Variants in WWOX observed in about 807,000 individuals in gnomAD.
The protein encoded by WWOX is WW domain containing oxidoreductase, also known as WW domain-containing oxidoreductase.
A neutral mutation model predicts 46.2 loss-of-function variants in WWOX; 69 were observed. The observed-to-expected ratio is 1.49, with a 90% CI of 1.23 to 1.82. WWOX has a LOEUF of 1.82. WWOX is among the 40% of genes most tolerant of loss of function. The pLI, the probability that WWOX is intolerant of heterozygous loss-of-function variation, is 0.00. For missense variants in WWOX, 919 were observed against 542.6 expected (o/e 1.69, Z -6.89); for synonymous variants, 359 against 202.6 (o/e 1.77, Z -6.56).
At chr16:78,472,171 A>G (rs2084238449) in intron 8 of WWOX, among the ~76,000 whole-genome samples, 3 of 152,258 alleles carry the variant, frequency 2.0e-5, no homozygotes, top group African/African-American at 7.2e-5. Context: ...TGCATAATTC[A>G]AATTAAAACC....
At chr16:78,805,505 G>C (rs557671184) in intron 8 of WWOX, among the ~76,000 whole-genome samples, 1 of 151,760 alleles carries the variant, frequency 6.6e-6, no homozygotes, top group African/African-American at 2.4e-5. Flanking sequence ...GGATGGTCTC[G>C]ATTTCCTGAC....
At chr16:78,451,229 G>T (rs1266941309) in intron 8 of WWOX, among the ~76,000 whole-genome samples, 3 of 152,164 alleles carry the variant, frequency 2.0e-5, no homozygotes, top group African/African-American at 7.2e-5. Flanking sequence ...CCAGGGATGG[G>T]TCCTCATGTT....
intron 5 of WWOX, among the ~76,000 whole-genome samples, chr16:78,340,233 G>A (rs375694560): frequency 9.4e-6 from 1 of 106,694 alleles, no homozygotes; most frequent in Non-Finnish European, 2.2e-5. Context: ...GTCTTACTGT[G>A]TCACCTAGGC....
chr16:78,912,649 C>T (rs925897511), intron 8 of WWOX, among the ~76,000 whole-genome samples: 2 of 151,976 alleles, frequency 1.3e-5, no homozygotes, highest in African/African-American at 2.4e-5. Flanking sequence ...TTTAATGTCC[C>T]CTTTAATTCT....
intron 8 of WWOX, among the ~76,000 whole-genome samples, chr16:78,486,258 GT>G (rs1457375112): frequency 3.3e-5 from 5 of 152,144 alleles, no homozygotes. Flanking sequence ...AGAAAGAGAT[GT>G]GTAGTCCCAT....
intron 8 of WWOX, among the ~76,000 whole-genome samples, chr16:78,734,935 A>G (rs1291352521): frequency 7.7e-6 from 1 of 130,104 alleles, no homozygotes; most frequent in African/African-American, 3.0e-5. Context: ...ACGCAATCTC[A>G]GCTCACTACA....
intron 8 of WWOX, among the ~76,000 whole-genome samples, chr16:78,980,369 C>T (rs1171657884): frequency 3.3e-5 from 5 of 152,096 alleles, no homozygotes; most frequent in East Asian, 3.9e-4. Context: ...TAATTTTATT[C>T]CAACAATGTC....
At position 78,930,771 on chromosome 16, in the gene WWOX, C is replaced by T. The variant is rs76914854; in HGVS notation, c.1057-280837C>T. On this transcript the variant is annotated intron_variant, in intron 8 of 8. Coordinates refer to ENST00000566780, the MANE Select transcript of WWOX (RefSeq NM_016373.4). Reference sequence around the variant, plus strand: ...ACTGAAAAGTCCTGGCAAGGTTCCACGGCACCTGTGATGCTTCCATCACAC... The same window carrying T: ...ACTGAAAAGTCCTGGCAAGGTTCCATGGCACCTGTGATGCTTCCATCACAC... Among the ~76,000 whole-genome samples, 1,255 of 152,210 alleles carry T rather than the reference C, an allele frequency of 8.2e-3. 6 individuals carry two copies. Among genetic ancestry groups the T allele is most frequent in the Non-Finnish European group, 0.011 (772 of 68,004 alleles).
chr16:78,659,652 C>T lies in WWOX; in HGVS notation c.1056+226900C>T, dbSNP rs189650763. 1.7e-4 allele frequency among the ~76,000 whole-genome samples: 26 copies of T among 152,294 alleles called. No homozygotes were observed. In the South Asian group the frequency reaches 5.0e-3, roughly 29 times the overall value. On this transcript the variant is annotated intron_variant, in intron 8 of 8. Transcript: ENST00000566780. ...ATCTCTGCCTCCATCGGAGCGAGTTCAGGAGAGTTGTGTTTACTTTTCTAA... is the reference window on the plus strand; with the variant it reads ...ATCTCTGCCTCCATCGGAGCGAGTTTAGGAGAGTTGTGTTTACTTTTCTAA...
At chr16:78,649,593 A>T (rs72794709) in intron 8 of WWOX, among the ~76,000 whole-genome samples, 7,847 of 152,286 alleles carry the variant, frequency 0.052, 282 homozygotes, top group Non-Finnish European at 0.076. Context: ...CCGTTTGTTA[A>T]TACATACCAT....
At chr16:78,937,577 C>G (rs915356606) in intron 8 of WWOX, among the ~76,000 whole-genome samples, 1 of 148,108 alleles carries the variant, frequency 6.8e-6, no homozygotes, top group African/African-American at 2.5e-5. Flanking sequence ...TTACAGGCAT[C>G]TGCCACCGTG....
At chr16:78,527,638 G>A (rs16947989) in intron 8 of WWOX, among the ~76,000 whole-genome samples, 2,650 of 152,232 alleles carry the variant, frequency 0.017, 55 homozygotes, top group African/African-American at 0.049. Flanking sequence ...AACCATGTAT[G>A]TGTCAGTCCT....
At chr16:78,664,804 G>C (rs1034566524) in intron 8 of WWOX, among the ~76,000 whole-genome samples, 1 of 152,144 alleles carries the variant, frequency 6.6e-6, no homozygotes, top group African/African-American at 2.4e-5. Context: ...TAGGAAAATA[G>C]ATTTCAAGGG....
intron 8 of WWOX, among the ~76,000 whole-genome samples, chr16:78,791,387 A>G (rs2050595774): frequency 1.3e-5 from 2 of 152,152 alleles, no homozygotes; most frequent in Non-Finnish European, 2.9e-5. Context: ...CCGATCTGAG[A>G]CTGGCATGGG....
chr16:78,708,184 C>A (rs775447076), intron 8 of WWOX, among the ~76,000 whole-genome samples: 22 of 152,142 alleles, frequency 1.4e-4, no homozygotes, highest in African/African-American at 4.3e-4. Flanking sequence ...GAGCAAGACC[C>A]TGTGTCTTAA....
intron 8 of WWOX, among the ~76,000 whole-genome samples, chr16:78,645,976 GCTC>G (rs1328676947): frequency 6.6e-6 from 1 of 152,048 alleles, no homozygotes; most frequent in African/African-American, 2.4e-5. Flanking sequence ...CCCTGGCTCT[GCTC>G]CTTCTCTCCC....
intron 8 of WWOX, among the ~76,000 whole-genome samples, chr16:78,573,595 T>C (rs1157355856): frequency 1.3e-5 from 2 of 152,214 alleles, no homozygotes; most frequent in African/African-American, 4.8e-5. Context: ...CAGCTTGTCA[T>C]TCCTTTGCCC....
chr16:78,103,330 C>T (rs574596006), intron 1 of WWOX, among the ~76,000 whole-genome samples: 1 of 150,536 alleles, frequency 6.6e-6, no homozygotes, highest in African/African-American at 2.5e-5. Flanking sequence ...CATAAGTAAA[C>T]CTGTGCCATG....
At chr16:78,555,473 A>G (rs143159141) in intron 8 of WWOX, among the ~76,000 whole-genome samples, 9 of 152,016 alleles carry the variant, frequency 5.9e-5, no homozygotes, top group African/African-American at 1.7e-4. Context: ...ACCTCAGTGT[A>G]TTCTTCTGAC....
Sources: allele counts gnomAD v4.1 joint callset (sites outside exome capture counted in the v4.1 genomes callset), GRCh38; gene constraint gnomAD v4.1.1; transcripts MANE v1.5; gene names NCBI Gene and HGNC (gene_info 2026-07-23, HGNC 2026-07-21).